NOX4: variants seen among roughly 807,000 people sequenced by gnomAD.
NOX4 encodes kidney oxidase-1.
In NOX4, 69 loss-of-function variants were observed where a neutral mutation model predicts 87.6. The ratio of observed to expected loss-of-function variants is 0.79; its 90% CI spans 0.65 to 0.96. NOX4 has a LOEUF of 0.96. NOX4 is among the 40% of genes least tolerant of loss of function. The pLI is 0.00. For synonymous variants in NOX4, 275 were observed against 238.2 expected, an observed-to-expected ratio of 1.15 and a Z score of -1.42; for missense variants, 680 against 681.5, an observed-to-expected ratio of 1.00 and a Z score of 0.02.
intron 11 of NOX4, among the ~76,000 whole-genome samples, chr11:89,382,799 T>G (rs1261087089): frequency 6.6e-6 from 1 of 152,034 alleles, no homozygotes; most frequent in Non-Finnish European, 1.5e-5. Flanking sequence ...GCCCAATAAT[T>G]TCCTCTTAAA....
chr11:89,531,189 C>T, the NOX4 span, among the ~76,000 whole-genome samples: 1 of 152,048 alleles, frequency 6.6e-6, no homozygotes, highest in Non-Finnish European at 1.5e-5. Flanking sequence ...TCAAGTTGAC[C>T]CCAGAGGCTT....
rs1440125216 is a variant in NOX4, at chr11:89,482,709, T to G, written c.153+7749A>C. Among the ~76,000 whole-genome samples the G allele has an allele frequency of 3.3e-5, 5 of 152,100 alleles. No individual in the cohort carries two copies. In the East Asian group the frequency reaches 9.6e-4, roughly 29 times the overall value. On this transcript the variant is annotated intron_variant, in intron 2 of 17. Transcript: ENST00000263317. ...TAGGTATTAGTTATACAAGTCCACC[T>G]CATATATAAGAATAATGCATATATG...
intron 13 of NOX4, among the ~76,000 whole-genome samples, chr11:89,352,792 T>C (rs79786696): frequency 0.08 from 12,116 of 152,178 alleles, 647 homozygotes; most frequent in Admixed American, 0.14. Flanking sequence ...TAAAGTAGTT[T>C]TGGTTTTGTT....
chr11:89,528,047 T>C, the NOX4 span, among the ~76,000 whole-genome samples: 2 of 152,208 alleles, frequency 1.3e-5, no homozygotes, highest in South Asian at 2.1e-4. Flanking sequence ...CCATGGGAAC[T>C]CACCTCTTGC....
intron 2 of NOX4, among the ~76,000 whole-genome samples, chr11:89,478,246 C>T (rs1404420446): frequency 6.6e-6 from 1 of 152,164 alleles, no homozygotes. Flanking sequence ...AAACTAAACA[C>T]AGGTTAACCT....
the NOX4 span, among the ~76,000 whole-genome samples, chr11:89,549,118 T>C: frequency 2.9e-3 from 447 of 152,334 alleles, 1 homozygote; most frequent in African/African-American, 0.01. Context: ...CTTTTCATTA[T>C]TTATTGTAAT....
Position 89,376,488 on chromosome 11 carries a change from C to T in NOX4, c.1075-2996G>A, listed in dbSNP as rs531827204. Among the ~76,000 whole-genome samples the T allele has an allele frequency of 2.6e-5, 4 of 152,242 alleles. No homozygotes were observed. The South Asian group carries it at 6.2e-4, about 24-fold the overall frequency. On this transcript the variant is annotated intron_variant, in intron 11 of 17. Coordinates refer to ENST00000263317, the MANE Select transcript of NOX4 (RefSeq NM_016931.5). Reference sequence around the variant, plus strand: ...AATACAAGTATTGATATCTACAGCTCTATCGTTCTCCTAAAACATGAATTA... The same window carrying T: ...AATACAAGTATTGATATCTACAGCTTTATCGTTCTCCTAAAACATGAATTA...
intron 2 of NOX4, among the ~76,000 whole-genome samples, chr11:89,480,289 T>C (rs1477698802): frequency 6.6e-6 from 1 of 152,122 alleles, no homozygotes; most frequent in Non-Finnish European, 1.5e-5. Flanking sequence ...CTTCAAACTT[T>C]CCTTAATGAT....
chr11:89,580,771 A>C, the NOX4 span, among the ~76,000 whole-genome samples: 1 of 152,206 alleles, frequency 6.6e-6, no homozygotes, highest in African/African-American at 2.4e-5. Flanking sequence ...TGGTTCCTGC[A>C]CAGAGTCCCT....
At chr11:89,444,343 G>T (rs1944589563) in intron 4 of NOX4, 111 bp from the exon 5 acceptor site, 1 of 786,900 alleles carries the variant, frequency 1.3e-6, no homozygotes, top group African/African-American at 1.7e-5. Flanking sequence ...TGACAGCTAT[G>T]TGGACAATGA....
At chr11:89,482,772 A>G (rs997952451) in intron 2 of NOX4, among the ~76,000 whole-genome samples, 15 of 152,156 alleles carry the variant, frequency 9.9e-5, no homozygotes, top group African/African-American at 3.6e-4. Context: ...CTTAACAGAT[A>G]CAAAAAGCAC....
In NOX4 at chr11:89,366,905, G is replaced by T. The variant is rs998092056; in HGVS notation, c.1135+6527C>A. Among the ~76,000 whole-genome samples, 7 of 151,898 alleles carry T rather than the reference G, an allele frequency of 4.6e-5. No individual in the cohort carries two copies. The South Asian group carries it at 6.2e-4, about 14-fold the overall frequency. ...AAAAACATGACAGCATATATTTAAC[G>T]TTCATAAAATGAGAAACCAAGGGAA... On this transcript the variant is annotated intron_variant, in intron 12 of 17. Transcript: ENST00000263317.
At chr11:89,465,726 A>T (rs1410821274) in intron 2 of NOX4, among the ~76,000 whole-genome samples, 1 of 152,058 alleles carries the variant, frequency 6.6e-6, no homozygotes, top group Non-Finnish European at 1.5e-5. Context: ...TTCTGTGATG[A>T]CCAGCAATGA....
intron 6 of NOX4, among the ~76,000 whole-genome samples, chr11:89,437,555 T>G (rs1944141127): frequency 6.6e-6 from 1 of 152,070 alleles, no homozygotes; most frequent in South Asian, 2.1e-4. Context: ...GCCAGCATAG[T>G]ACTTCTTTTC....
chr11:89,407,261 A>G (rs1942237781), intron 8 of NOX4, among the ~76,000 whole-genome samples: 1 of 152,070 alleles, frequency 6.6e-6, no homozygotes. Context: ...AACAAATGCT[A>G]AATAATTTTA....
chr11:89,430,903 C>A (rs1323017146), intron 7 of NOX4, among the ~76,000 whole-genome samples: 1 of 152,126 alleles, frequency 6.6e-6, no homozygotes, highest in African/African-American at 2.4e-5. Flanking sequence ...CCAAGACAAT[C>A]CTAAGCCAAA....
At chr11:89,444,713 C>T (rs574075444) in intron 4 of NOX4, among the ~76,000 whole-genome samples, 1 of 152,188 alleles carries the variant, frequency 6.6e-6, no homozygotes, top group East Asian at 1.9e-4. Flanking sequence ...CACTGAAAGA[C>T]TTTCAACTAG....
the NOX4 span, among the ~76,000 whole-genome samples, chr11:89,564,204 G>A: frequency 1.3e-5 from 2 of 152,310 alleles, no homozygotes; most frequent in South Asian, 2.1e-4. Flanking sequence ...AGAACTACCT[G>A]AAACTGGGTA....
At chr11:89,351,758 C>T (rs1270984967) in intron 13 of NOX4, among the ~76,000 whole-genome samples, 1 of 151,394 alleles carries the variant, frequency 6.6e-6, no homozygotes, top group South Asian at 2.1e-4. Flanking sequence ...TTAAGCCCAC[C>T]AGAGAAAAAA....
Sources: gnomAD v4.1 joint callset for allele counts (sites outside exome capture counted in the v4.1 genomes callset) on GRCh38, gnomAD v4.1.1 for gene constraint, MANE v1.5 for transcripts, NCBI Gene and HGNC (gene_info 2026-07-23, HGNC 2026-07-21) for gene names.